Variants in TMEM131 observed in about 807,000 individuals in gnomAD.
TMEM131 encodes the protein 2610524E03Rik.
TMEM131 carries 66 observed loss-of-function variants against 211.6 expected under a neutral mutation model. The observed-to-expected ratio is 0.31, with a 90% confidence interval of 0.26 to 0.38. TMEM131 has a LOEUF of 0.38. TMEM131 is among the 10% of genes least tolerant of loss of function. TMEM131 has a pLI of 1.00. For synonymous variants in TMEM131, 844 were observed against 841.3 expected (o/e 1.00, Z -0.06); for missense variants, 2,036 against 2,299.3 (o/e 0.89, Z 2.34).
intron 2 of TMEM131, among the ~76,000 whole-genome samples, chr2:97,916,077 C>A (rs775220719): frequency 1.3e-5 from 2 of 152,114 alleles, no homozygotes; most frequent in African/African-American, 4.8e-5. Flanking sequence ...GCACGCCCAG[C>A]TAATTTTTTT....
At chr2:97,818,581 ACT>A (rs763208759) in intron 12 of TMEM131, 30 bp downstream of exon 12, 4 of 1,358,746 alleles carry the variant, frequency 2.9e-6, no homozygotes, top group Admixed American at 1.9e-5. Flanking sequence ...AAATAACATC[ACT>A]CTATCAGAGA....
intron 1 of TMEM131, among the ~76,000 whole-genome samples, chr2:97,940,677 A>C (rs1478391578): frequency 6.6e-6 from 1 of 151,890 alleles, no homozygotes; most frequent in African/African-American, 2.4e-5. Flanking sequence ...GTGTGGTGGC[A>C]GGCGCCTGTT....
At chr2:97,972,195 AAC>A (rs1304555563) in intron 1 of TMEM131, among the ~76,000 whole-genome samples, 2 of 152,134 alleles carry the variant, frequency 1.3e-5, no homozygotes, top group Non-Finnish European at 2.9e-5. Context: ...CAAGGTCAGA[AAC>A]AGTGCCTATT....
chr2:97,908,084 T>C (rs769713000), intron 3 of TMEM131, among the ~76,000 whole-genome samples: 2 of 152,204 alleles, frequency 1.3e-5, no homozygotes, highest in Non-Finnish European at 1.5e-5. Flanking sequence ...CAGCACAGTA[T>C]GTCTCTTTAC....
intron 38 of TMEM131, 95 bp from the exon 39 acceptor site, chr2:97,759,844 G>A: frequency 1.2e-6 from 1 of 821,426 alleles, no homozygotes; most frequent in Non-Finnish European, 2.1e-6. Context: ...AGGAGACACT[G>A]CTTCAACTGG....
intron 29 of TMEM131, among the ~76,000 whole-genome samples, chr2:97,794,314 G>C (rs540532077): frequency 6.6e-6 from 1 of 152,114 alleles, no homozygotes; most frequent in Non-Finnish European, 1.5e-5. Flanking sequence ...GGGAATACAG[G>C]TGTGAGCCAC....
At chr2:97,966,543 G>A (rs1358148000) in intron 1 of TMEM131, among the ~76,000 whole-genome samples, 2 of 151,954 alleles carry the variant, frequency 1.3e-5, no homozygotes, top group Admixed American at 6.6e-5. Flanking sequence ...TGACACAGTG[G>A]CCCTCAATAA....
At chr2:97,904,774 G>A (rs998480364) in intron 3 of TMEM131, among the ~76,000 whole-genome samples, 7 of 147,796 alleles carry the variant, frequency 4.7e-5, no homozygotes, top group South Asian at 2.1e-4. Flanking sequence ...TTCTATCTTC[G>A]TGACTAGTTT....
intron 31 of TMEM131, among the ~76,000 whole-genome samples, chr2:97,788,535 C>T (rs1048617519): frequency 6.6e-6 from 1 of 152,218 alleles, no homozygotes; most frequent in Non-Finnish European, 1.5e-5. Context: ...TGCACACCTG[C>T]GGACTGTCCA....
intron 1 of TMEM131, among the ~76,000 whole-genome samples, chr2:97,976,559 ACTGTT>A (rs1305381195): frequency 3.9e-5 from 6 of 152,330 alleles, no homozygotes; most frequent in African/African-American, 1.4e-4. Flanking sequence ...AAAACTAAAT[ACTGTT>A]AAGAAGTCAG....
At chr2:97,889,052 T>G (rs1265516122) in intron 3 of TMEM131, among the ~76,000 whole-genome samples, 1 of 152,154 alleles carries the variant, frequency 6.6e-6, no homozygotes, top group Non-Finnish European at 1.5e-5. Context: ...AAGAAATAAT[T>G]AGAAATAGAC....
chr2:97,771,353 T>G (rs537626512), intron 33 of TMEM131, among the ~76,000 whole-genome samples: 20 of 152,220 alleles, frequency 1.3e-4, no homozygotes, highest in African/African-American at 3.6e-4. Context: ...GGACTGGCCC[T>G]GCCTGAAGCC....
intron 5 of TMEM131, among the ~76,000 whole-genome samples, chr2:97,852,482 A>G (rs1673665000): frequency 6.6e-6 from 1 of 152,158 alleles, no homozygotes; most frequent in Admixed American, 6.5e-5. Context: ...TCTTAAGCCA[A>G]AGTCTAATCC....
chr2:97,961,664 C>T (rs2104569142), intron 1 of TMEM131, among the ~76,000 whole-genome samples: 1 of 152,254 alleles, frequency 6.6e-6, no homozygotes, highest in South Asian at 2.1e-4. Flanking sequence ...CAAGCTAATA[C>T]AGAACTGACA....
intron 27 of TMEM131, 114 bp from the exon 28 acceptor site, chr2:97,796,518 T>TG: frequency 1.4e-6 from 1 of 715,584 alleles, no homozygotes; most frequent in South Asian, 2.0e-5. Flanking sequence ...AAACCATCCC[T>TG]GCATGTCAGA....
At chr2:97,794,497 A>C (rs764458364) in intron 29 of TMEM131, among the ~76,000 whole-genome samples, 3 of 152,216 alleles carry the variant, frequency 2.0e-5, no homozygotes, top group Non-Finnish European at 4.4e-5. Flanking sequence ...GTGTGATATA[A>C]ATATGTAAAT....
At chr2:97,838,004 C>G (rs1683010953) in intron 7 of TMEM131, among the ~76,000 whole-genome samples, 1 of 152,146 alleles carries the variant, frequency 6.6e-6, no homozygotes, top group African/African-American at 2.4e-5. Context: ...TGTCTGGCTT[C>G]TTTTGCTCAA....
At chr2:97,903,643 AAAT>A (rs1166107110) in intron 3 of TMEM131, among the ~76,000 whole-genome samples, 2 of 152,174 alleles carry the variant, frequency 1.3e-5, no homozygotes, top group African/African-American at 4.8e-5. Flanking sequence ...ATTCTGAATC[AAAT>A]AATGAGTAAA....
At chr2:97,878,890 T>C (rs1199636530) in intron 4 of TMEM131, among the ~76,000 whole-genome samples, 1 of 152,010 alleles carries the variant, frequency 6.6e-6, no homozygotes, top group Non-Finnish European at 1.5e-5. Flanking sequence ...AAAAAACCAA[T>C]CTAGTCCTTC....
Sources: gnomAD v4.1 joint callset for allele counts (sites outside exome capture counted in the v4.1 genomes callset) on GRCh38, gnomAD v4.1.1 for gene constraint, MANE v1.5 for transcripts, NCBI Gene and HGNC (gene_info 2026-07-23, HGNC 2026-07-21) for gene names.